LRCH2: variants seen among roughly 807,000 people sequenced by gnomAD.
LRCH2 encodes leucine rich repeats and calponin homology domain containing 2.
LRCH2 carries 38 observed loss-of-function variants against 68.9 expected under a neutral mutation model. The observed-to-expected ratio is 0.55, with a 90% CI of 0.43 to 0.72. The LOEUF (loss-of-function observed/expected upper bound fraction) is 0.72. LRCH2 is among the 30% of genes least tolerant of loss of function. LRCH2 has a pLI of 0.00. For synonymous variants in LRCH2, 191 were observed against 208.1 expected, an observed-to-expected ratio of 0.92 and a Z score of 0.71; for missense variants, 528 against 572.9, an observed-to-expected ratio of 0.92 and a Z score of 0.80.
chrX:115,143,780 T>C (rs2072358930), intron 14 of LRCH2, among the ~76,000 whole-genome samples: 1 of 111,949 alleles, frequency 8.9e-6, no homozygotes, highest in East Asian at 2.8e-4. Context: ...AGGTCATTCA[T>C]CATGACCAAG....
At chrX:115,127,871 C>T (rs1233948248) in intron 15 of LRCH2, among the ~76,000 whole-genome samples, 1 of 111,235 alleles carries the variant, frequency 9.0e-6, no homozygotes, top group Non-Finnish European at 1.9e-5. Context: ...GAAAGAAGAG[C>T]AAGTTGTGAA....
rs1348365971 is a variant in LRCH2 at position 115,233,975 on chromosome X, C to T, written c.67G>A (p.Gly23Ser). The T allele has an allele frequency of 2.2e-5, 26 of 1,165,958 alleles. No homozygotes were observed. Among genetic ancestry groups the T allele is most frequent in the Non-Finnish European group, 3.0e-5 (26 of 871,955 alleles). ...GGGCGGGGSS[G>S]GCGTAGGGGG... The stretch of plus-strand genomic sequence containing the variant: ...CCCCCTCCAGCCGTGCCACAGCCAC[C>T]GCTACTTCCACCTCCACCACAACCG... Residue 23 changes from glycine (G) to serine (S), a missense_variant, in exon 1 of 21, where the codon GGT (glycine) becomes AGT (serine). By Grantham distance (56) the Gly-to-Ser change is moderately conservative. Transcript: ENST00000317135.
intron 1 of LRCH2, among the ~76,000 whole-genome samples, chrX:115,211,186 T>G (rs1556569905): frequency 9.0e-6 from 1 of 111,572 alleles, no homozygotes; most frequent in Admixed American, 9.5e-5. Flanking sequence ...ATTATATGGT[T>G]TGGCCGTGTT....
chrX:115,123,330 A>T, intron 17 of LRCH2, 138 bp from the exon 18 acceptor site: 4 of 455,437 alleles, frequency 8.8e-6, no homozygotes, highest in Non-Finnish European at 1.1e-5. Flanking sequence ...ATATTTTTAG[A>T]GAATATATTT....
chrX:115,203,459 C>A (rs1469236456), intron 1 of LRCH2, among the ~76,000 whole-genome samples: 2 of 112,203 alleles, frequency 1.8e-5, no homozygotes, highest in African/African-American at 6.5e-5. Context: ...AAAAGTCCAA[C>A]TCCAAAGTCT....
chrX:115,122,073 T>C, intron 20 of LRCH2, among the ~76,000 whole-genome samples: 1 of 111,219 alleles, frequency 9.0e-6, no homozygotes, highest in South Asian at 3.8e-4. Context: ...AATACAGGTA[T>C]TATCATAATA....
Position 115,122,798 on chromosome X carries a change from G to T in LRCH2, c.2062C>A (p.Arg688Ser). ...GGTACATGAATACTAGCAACAGAAC[G>T]TGGCCTTATATGATTGGCTAAATGG... ...LCHLANHIRP[R>S]SVASIHVPSP... is the part of the protein sequence containing the mutation. Residue 688 changes from arginine (R) to serine (S), a missense_variant, in exon 19 of 21, where the codon CGT becomes AGT. Arg to Ser is a moderately radical substitution (Grantham distance 110). Transcript: ENST00000317135. 8.3e-7 allele frequency: 1 copy of T among 1,210,673 alleles called. No individual in the cohort carries two copies. The highest frequency in any genetic ancestry group is 1.1e-6 in the Non-Finnish European group (1 of 894,845).
chrX:115,147,237 T>C (rs1449815562), intron 14 of LRCH2, among the ~76,000 whole-genome samples: 1 of 111,728 alleles, frequency 9.0e-6, no homozygotes, highest in Non-Finnish European at 1.9e-5. Context: ...TATCGGGAGA[T>C]AGGTGATTAA....
intron 1 of LRCH2, among the ~76,000 whole-genome samples, chrX:115,228,329 C>T (rs1350524551): frequency 2.7e-5 from 3 of 111,050 alleles, no homozygotes; most frequent in Non-Finnish European, 5.7e-5. Flanking sequence ...TTTTAAGAAG[C>T]ACCCAAATAC....
At chrX:115,206,161 T>C (rs1730197771) in intron 1 of LRCH2, among the ~76,000 whole-genome samples, 1 of 112,434 alleles carries the variant, frequency 8.9e-6, no homozygotes, top group South Asian at 3.6e-4. Flanking sequence ...AGAAGCTCCC[T>C]CAGGGAATTT....
chrX:115,170,526 ACAT>A lies in LRCH2; in HGVS notation c.865-97_865-95del, dbSNP rs782122893. 3.1e-3 allele frequency: 2,428 copies of A among 793,322 alleles called. 1 individual carries two copies. Among genetic ancestry groups the A allele is most frequent in the Non-Finnish European group, 3.8e-3 (2,274 of 602,800 alleles). 65.4% of individuals were successfully genotyped at this position (793,322 alleles called of 1,213,427 possible). A position where few individuals can be genotyped will look rare whatever the true frequency, so the allele number is the denominator to read the frequency against. The stretch of plus-strand genomic sequence containing the variant: ...TTCAATAGTCTCAAATTACATTGAG[ACAT>A]CACAATCTTGATTGATACTTTGCAT... On this transcript the variant is annotated intron_variant, in intron 5 of 20. Coordinates refer to ENST00000317135, the MANE Select transcript of LRCH2 (RefSeq NM_020871.4).
At chrX:115,203,894 G>A (rs1465848518) in intron 1 of LRCH2, among the ~76,000 whole-genome samples, 4 of 112,295 alleles carry the variant, frequency 3.6e-5, no homozygotes, top group African/African-American at 1.3e-4. Context: ...ACTAGGCACT[G>A]CCCCAATGGG....
intron 1 of LRCH2, among the ~76,000 whole-genome samples, chrX:115,214,960 T>C (rs2073032075): frequency 8.9e-6 from 1 of 112,376 alleles, no homozygotes; most frequent in Non-Finnish European, 1.9e-5. Flanking sequence ...TGTAACAGCA[T>C]TCAAACATCA....
Position 115,163,587 on chromosome X carries a change from C to A in LRCH2, c.1463+89G>T, listed in dbSNP as rs1476977345. On this transcript the variant is annotated intron_variant, in intron 11 of 20. Transcript: ENST00000317135. ...TCTTAAGAGGGCACTATTGTTTACT[C>A]AAAACTTCATATACTTTGATAATCT... The A allele has an allele frequency of 1.2e-5, 8 of 653,858 alleles. No homozygotes were observed. In the Admixed American group the frequency reaches 2.6e-4, roughly 21 times the overall value. The allele number at this position is 653,858 out of a possible 1,213,427, so 53.9% of individuals were successfully genotyped here.
In LRCH2 at chrX:115,170,366, T is replaced by C; in HGVS notation, c.931A>G (p.Lys311Glu). The C allele has an allele frequency of 8.5e-7, 1 of 1,181,626 alleles. No individual in the cohort carries two copies. Among genetic ancestry groups the C allele is most frequent in the Non-Finnish European group, 1.1e-6 (1 of 879,706 alleles). The change falls in exon 6 of 21, where the codon AAG becomes GAG. Residue 311 changes from lysine to glutamate, a missense_variant. Transcript: ENST00000317135. ...GGAAGATCCAGGGAATCTGGTTTCT[T>C]ATCCATTCTGCAACATGCTTGAATA... ...LNIQACCRMD[K>E]KPDSLDLPSL... is the part of the protein sequence containing the mutation.
intron 5 of LRCH2, among the ~76,000 whole-genome samples, chrX:115,173,585 C>T (rs2072622084): frequency 8.9e-6 from 1 of 111,876 alleles, no homozygotes; most frequent in African/African-American, 3.2e-5. Context: ...CCCAGCCTTC[C>T]AAGAAGGTTT....
In LRCH2 at chrX:115,166,308, G is replaced by A; in HGVS notation, c.1033C>T (p.Pro345Ser). ...EDFYPNKNHG[P>S]DSGIGSDNGE... Reference sequence around the variant, plus strand: ...TTATCACTTCCAATTCCAGAGTCAGGGCCATGATTTTTATTTGGATAAAAA... The same window carrying A: ...TTATCACTTCCAATTCCAGAGTCAGAGCCATGATTTTTATTTGGATAAAAA... The change falls in exon 7 of 21, where the codon CCT (proline) becomes TCT (serine). Residue 345 changes from proline (P) to serine (S), a missense_variant. Transcript: ENST00000317135. 1 of 1,192,443 alleles carries A rather than the reference G, an allele frequency of 8.4e-7. No individual in the cohort carries two copies. The highest frequency in any genetic ancestry group is 1.1e-6 in the Non-Finnish European group (1 of 881,451).
In LRCH2 at chrX:115,190,070, G is replaced by A. The variant is rs782408670; in HGVS notation, c.350-1700C>T. On this transcript the variant is annotated intron_variant, in intron 1 of 20. Coordinates refer to ENST00000317135, the MANE Select transcript of LRCH2 (RefSeq NM_020871.4). The stretch of plus-strand genomic sequence containing the variant: ...CCACCCCACAAGAGGGCTGTGCCCC[G>A]GTCAAGCCTGGCTCGCATTGGCGGC... 1,123 of 1,152,397 alleles carry A rather than the reference G, an allele frequency of 9.7e-4. 2 individuals are homozygous for A. The highest frequency in any genetic ancestry group is 1.2e-3 in the South Asian group (61 of 51,157). The allele number at this position is 1,152,397 out of a possible 1,213,427, so 95.0% of individuals were successfully genotyped here.
At chrX:115,206,493 A>C (rs1443029150) in intron 1 of LRCH2, among the ~76,000 whole-genome samples, 1 of 112,589 alleles carries the variant, frequency 8.9e-6, no homozygotes, top group Non-Finnish European at 1.9e-5. Flanking sequence ...CACAAACAAT[A>C]GCATGAGCGA....
Sources: gnomAD v4.1 joint callset for allele counts (sites outside exome capture counted in the v4.1 genomes callset) on GRCh38, gnomAD v4.1.1 for gene constraint, MANE v1.5 for transcripts, NCBI Gene and HGNC (gene_info 2026-07-23, HGNC 2026-07-21) for gene names.